The following PALLD variants were observed in gnomAD, a reference collection of about 807,000 sequenced individuals.
PALLD encodes the protein palladin, cytoskeletal associated protein, also known as palladin.
A neutral mutation model predicts 123.5 loss-of-function variants in PALLD; 61 were observed. The observed-to-expected ratio is 0.49, with a 90% CI of 0.40 to 0.61. PALLD has a LOEUF of 0.61. Among genes scored for constraint, PALLD ranks in the 20% least tolerant of loss-of-function variants. The probability of loss-of-function intolerance (pLI) is 0.00; values close to 1 mark genes in which losing one functional copy is unlikely to be tolerated. For missense variants in PALLD, 1,273 were observed against 1,377.0 expected (o/e 0.92, Z 1.20); for synonymous variants, 465 against 496.4 (o/e 0.94, Z 0.84).
At chr4:168,826,128 T>A (rs1743388775) in intron 10 of PALLD, among the ~76,000 whole-genome samples, 1 of 152,190 alleles carries the variant, frequency 6.6e-6, no homozygotes, top group Non-Finnish European at 1.5e-5. Flanking sequence ...GTAATCCACA[T>A]GGAATCTGTG....
chr4:168,582,258 A>T, intron 2 of PALLD, among the ~76,000 whole-genome samples: 1 of 152,078 alleles, frequency 6.6e-6, no homozygotes, highest in East Asian at 1.9e-4. Flanking sequence ...TGTTTTCTTA[A>T]TTTCTTTTTC....
At chr4:168,705,026 T>G (rs1439648146) in intron 8 of PALLD, among the ~76,000 whole-genome samples, 2 of 151,928 alleles carry the variant, frequency 1.3e-5, no homozygotes, top group African/African-American at 4.8e-5. Context: ...TATTTCCTAC[T>G]TACATCTTAT....
intron 10 of PALLD, among the ~76,000 whole-genome samples, chr4:168,807,269 A>G (rs1334585684): frequency 6.7e-6 from 1 of 149,988 alleles, no homozygotes; most frequent in Non-Finnish European, 1.5e-5. Context: ...ATGAGTACAC[A>G]CACACACGCA....
In PALLD at chr4:168,671,910, T is replaced by C. The variant is rs747626458; in HGVS notation, c.1087+3542T>C. Among the ~76,000 whole-genome samples, 5 of 152,200 alleles carry C rather than the reference T, an allele frequency of 3.3e-5. No individual in the cohort carries two copies. In the South Asian group the frequency reaches 6.2e-4, roughly 19 times the overall value. ...CTCAGCAAAGCCATCTCTAAAAGTTTAACAACCTACAAATTAGAAACTTTC... is the reference window on the plus strand; with the variant it reads ...CTCAGCAAAGCCATCTCTAAAAGTTCAACAACCTACAAATTAGAAACTTTC... On this transcript the variant is annotated intron_variant, in intron 3 of 21. Transcript: ENST00000505667.
intron 10 of PALLD, among the ~76,000 whole-genome samples, chr4:168,795,025 G>A (rs970764239): frequency 1.3e-5 from 2 of 152,152 alleles, no homozygotes; most frequent in African/African-American, 2.4e-5. Flanking sequence ...TAGAAGGCTG[G>A]CCTCTCACTG....
chr4:168,713,608 C>T (rs759494976), intron 10 of PALLD, among the ~76,000 whole-genome samples: 2 of 152,180 alleles, frequency 1.3e-5, no homozygotes, highest in Non-Finnish European at 2.9e-5. Context: ...CTCTGCTTTG[C>T]AGCCAGGTTA....
chr4:168,600,605 T>A (rs140523768), intron 2 of PALLD, among the ~76,000 whole-genome samples: 1 of 152,140 alleles, frequency 6.6e-6, no homozygotes, highest in African/African-American at 2.4e-5. Context: ...ACCAGAACTT[T>A]AGGAAAAACA....
chr4:168,606,535 A>G (rs539786573), intron 2 of PALLD, among the ~76,000 whole-genome samples: 11 of 152,096 alleles, frequency 7.2e-5, no homozygotes, highest in Admixed American at 6.5e-5. Flanking sequence ...TTAGCTGGGC[A>G]TGGTAACGGT....
At chr4:168,574,466 A>G (rs1691180392) in intron 2 of PALLD, among the ~76,000 whole-genome samples, 1 of 152,128 alleles carries the variant, frequency 6.6e-6, no homozygotes. Context: ...GTTATAATAA[A>G]TGATCATTTT....
chr4:168,904,757 C>T (rs1328270254), intron 15 of PALLD, among the ~76,000 whole-genome samples: 1 of 152,070 alleles, frequency 6.6e-6, no homozygotes, highest in Non-Finnish European at 1.5e-5. Flanking sequence ...TATATCATTC[C>T]ATATTATTTC....
intron 2 of PALLD, among the ~76,000 whole-genome samples, chr4:168,586,405 C>T (rs1036564232): frequency 6.6e-6 from 1 of 152,108 alleles, no homozygotes; most frequent in African/African-American, 2.4e-5. Context: ...GATTCCCTTG[C>T]CCAGCAAAGT....
At chr4:168,730,280 A>G (rs1195181530) in intron 10 of PALLD, among the ~76,000 whole-genome samples, 2 of 151,818 alleles carry the variant, frequency 1.3e-5, no homozygotes, top group Admixed American at 6.6e-5. Context: ...TATTTCTGCT[A>G]TTGTATTTTT....
intron 10 of PALLD, among the ~76,000 whole-genome samples, chr4:168,871,354 C>T (rs561015034): frequency 6.6e-6 from 1 of 152,162 alleles, no homozygotes; most frequent in South Asian, 2.1e-4. Flanking sequence ...TTCCCTAATT[C>T]TTCAAAATCT....
At chr4:168,702,379 T>C (rs1237722118) in intron 8 of PALLD, among the ~76,000 whole-genome samples, 1 of 151,914 alleles carries the variant, frequency 6.6e-6, no homozygotes, top group Non-Finnish European at 1.5e-5. Flanking sequence ...GGTGAAACCC[T>C]GTCTCTACTA....
chr4:168,875,469 C>A (rs1041990139), intron 10 of PALLD, among the ~76,000 whole-genome samples: 1 of 152,112 alleles, frequency 6.6e-6, no homozygotes, highest in Non-Finnish European at 1.5e-5. Context: ...GAAATAAAGT[C>A]AGACACTTTA....
intron 14 of PALLD, among the ~76,000 whole-genome samples, chr4:168,899,187 G>A (rs1560883145): frequency 1.3e-5 from 2 of 152,180 alleles, no homozygotes; most frequent in Admixed American, 6.5e-5. Flanking sequence ...GGGAGGTGGG[G>A]TGAAGAATAT....
At chr4:168,585,900 T>C (rs1561275651) in intron 2 of PALLD, among the ~76,000 whole-genome samples, 1 of 152,132 alleles carries the variant, frequency 6.6e-6, no homozygotes, top group Non-Finnish European at 1.5e-5. Context: ...CCAGGGTCCT[T>C]TGCATTGGTA....
intron 10 of PALLD, among the ~76,000 whole-genome samples, chr4:168,751,855 CA>C (rs1285655853): frequency 6.6e-6 from 1 of 152,126 alleles, no homozygotes; most frequent in African/African-American, 2.4e-5. Flanking sequence ...AGGGACAGGA[CA>C]TAAGGAATTC....
intron 10 of PALLD, among the ~76,000 whole-genome samples, chr4:168,815,616 C>T (rs1008274069): frequency 6.6e-6 from 1 of 152,138 alleles, no homozygotes; most frequent in Admixed American, 6.5e-5. Flanking sequence ...AGGGAGAGAA[C>T]GTGCTTCCTA....
Sources: allele counts gnomAD v4.1 joint callset (sites outside exome capture counted in the v4.1 genomes callset), GRCh38; gene constraint gnomAD v4.1.1; transcripts MANE v1.5; gene names NCBI Gene and HGNC (gene_info 2026-07-23, HGNC 2026-07-21).